The following PIK3C2G variants were observed in gnomAD, a reference collection of about 807,000 sequenced individuals.
The protein encoded by PIK3C2G is phosphatidylinositol 3-kinase C2 domain-containing subunit gamma.
In PIK3C2G, 168 loss-of-function variants were observed where a neutral mutation model predicts 181.1. The ratio of observed to expected loss-of-function variants is 0.93; its 90% CI spans 0.82 to 1.05. The LOEUF (loss-of-function observed/expected upper bound fraction) is 1.05. PIK3C2G is among the 50% of genes least tolerant of loss of function. PIK3C2G has a pLI of 0.00. For synonymous variants in PIK3C2G, 573 were observed against 592.2 expected, an observed-to-expected ratio of 0.97 and a Z score of 0.47; for missense variants, 1,869 against 1,732.8, an observed-to-expected ratio of 1.08 and a Z score of -1.40.
chr12:18,344,912 A>C (rs899405555), intron 10 of PIK3C2G, among the ~76,000 whole-genome samples: 6 of 152,170 alleles, frequency 3.9e-5, no homozygotes, highest in African/African-American at 1.4e-4. Flanking sequence ...ATAATGCATA[A>C]GCATACATCT....
At chr12:18,719,500 GA>G in the PIK3C2G span, 17 of 1,587,266 alleles carry the variant, frequency 1.1e-5, no homozygotes, top group Non-Finnish European at 1.5e-5. Flanking sequence ...ATGTGAAGAT[GA>G]AATAAAATAA....
At chr12:18,651,009 G>A (rs78433546), downstream of PIK3C2G, among the ~76,000 whole-genome samples, 2,876 of 151,856 alleles carry the variant, frequency 0.019, 37 homozygotes, top group Middle Eastern at 0.048. Flanking sequence ...AAACTCTGCA[G>A]GGGCTTCTAA....
At chr12:18,659,074 T>C in the PIK3C2G span, among the ~76,000 whole-genome samples, 1,385 of 152,054 alleles carry the variant, frequency 9.1e-3, 33 homozygotes, top group East Asian at 0.067. Flanking sequence ...CCAACATGGA[T>C]AGGAAACAGT....
chr12:18,477,590 T>C (rs1017283887), intron 18 of PIK3C2G, among the ~76,000 whole-genome samples: 1 of 152,174 alleles, frequency 6.6e-6, no homozygotes, highest in Non-Finnish European at 1.5e-5. Context: ...GTTTCCAAAA[T>C]GAATGGGATT....
intron 13 of PIK3C2G, among the ~76,000 whole-genome samples, chr12:18,376,699 T>G (rs1321774293): frequency 1.3e-5 from 2 of 152,108 alleles, no homozygotes; most frequent in Non-Finnish European, 2.9e-5. Context: ...TAGGACACGG[T>G]GGGAGATGTT....
the PIK3C2G span, among the ~76,000 whole-genome samples, chr12:18,684,786 C>T: frequency 6.6e-6 from 1 of 152,014 alleles, no homozygotes; most frequent in African/African-American, 2.4e-5. Context: ...ACCCAAATCT[C>T]ATCTTGAATT....
At chr12:18,384,098 A>G (rs904926419) in intron 14 of PIK3C2G, among the ~76,000 whole-genome samples, 2 of 151,766 alleles carry the variant, frequency 1.3e-5, no homozygotes, top group African/African-American at 4.8e-5. Context: ...CTGGGATTAC[A>G]GGCGTGAGCC....
intron 9 of PIK3C2G, among the ~76,000 whole-genome samples, chr12:18,338,962 G>C (rs985273367): frequency 1.3e-5 from 2 of 151,986 alleles, no homozygotes; most frequent in African/African-American, 4.8e-5. Flanking sequence ...CAGGCATTAA[G>C]TGTCATGTTT....
intron 31 of PIK3C2G, among the ~76,000 whole-genome samples, chr12:18,629,375 T>A (rs1391961760): frequency 3.9e-5 from 6 of 152,150 alleles, no homozygotes; most frequent in African/African-American, 1.4e-4. Context: ...TTTTAAGAAC[T>A]TCTTGTGCTC....
chr12:18,293,583 T>C (rs1949804509), intron 4 of PIK3C2G, among the ~76,000 whole-genome samples: 1 of 152,088 alleles, frequency 6.6e-6, no homozygotes, highest in African/African-American at 2.4e-5. Context: ...ATTTCCCAAG[T>C]CCCTAAGAGA....
the PIK3C2G span, among the ~76,000 whole-genome samples, chr12:18,677,337 C>T: frequency 6.6e-6 from 1 of 152,090 alleles, no homozygotes; most frequent in Non-Finnish European, 1.5e-5. Flanking sequence ...TGAATCAGCA[C>T]CGTGCAATCA....
At chr12:18,445,896 T>C (rs1257290348) in intron 18 of PIK3C2G, among the ~76,000 whole-genome samples, 1 of 152,136 alleles carries the variant, frequency 6.6e-6, no homozygotes, top group Non-Finnish European at 1.5e-5. Flanking sequence ...CATCTCTGAA[T>C]GGATACAAAA....
the PIK3C2G span, among the ~76,000 whole-genome samples, chr12:18,656,117 A>G: frequency 4.6e-5 from 7 of 152,178 alleles, no homozygotes; most frequent in African/African-American, 1.7e-4. Flanking sequence ...GGAAGTCTAA[A>G]GTTCCATTCT....
At chr12:18,651,911 C>T (rs949202367), downstream of PIK3C2G, among the ~76,000 whole-genome samples, 1 of 152,164 alleles carries the variant, frequency 6.6e-6, no homozygotes, top group African/African-American at 2.4e-5. Flanking sequence ...TAAGGACCAG[C>T]TCTTTCCATT....
chr12:18,701,579 T>C, the PIK3C2G span: 1 of 1,613,434 alleles, frequency 6.2e-7, no homozygotes, highest in Non-Finnish European at 8.5e-7. Context: ...CTAAAACAGA[T>C]TCCAATACTT....
chr12:18,497,653 T>G lies in PIK3C2G; in HGVS notation c.2921T>G (p.Leu974Arg). 1.2e-6 allele frequency: 2 copies of G among 1,613,028 alleles called. No homozygotes were observed. The highest frequency in any genetic ancestry group is 1.7e-6 in the Non-Finnish European group (2 of 1,179,126). Reference protein sequence around the residue: ...GDDLRQDMLVLQLIQVMDNIW... With the variant: ...GDDLRQDMLVRQLIQVMDNIW... ...GATCTTCGTCAGGATATGCTTGTTC[T>G]GCAGCTTATTCAAGTGATGGACAAT... Residue 974 changes from leucine (L) to arginine (R), a missense_variant, in exon 22 of 33, where the codon CTG becomes CGG. Leu to Arg is a moderately radical substitution (Grantham distance 102). Coordinates refer to ENST00000538779, the MANE Select transcript of PIK3C2G (RefSeq NM_001288772.2).
At chr12:18,259,355 G>A (rs866058735), upstream of PIK3C2G, among the ~76,000 whole-genome samples, 13 of 152,210 alleles carry the variant, frequency 8.5e-5, no homozygotes, top group Middle Eastern at 3.4e-3. Flanking sequence ...CGGGGTCTGG[G>A]TCACAACTCT....
At chr12:18,320,424 C>T (rs1311683582) in intron 6 of PIK3C2G, among the ~76,000 whole-genome samples, 1 of 152,114 alleles carries the variant, frequency 6.6e-6, no homozygotes, top group Non-Finnish European at 1.5e-5. Context: ...AACAAAATGC[C>T]AACTCCTAAC....
the PIK3C2G span, among the ~76,000 whole-genome samples, chr12:18,678,779 A>G: frequency 6.6e-6 from 1 of 152,012 alleles, no homozygotes; most frequent in East Asian, 1.9e-4. Context: ...GTTTGGGGTT[A>G]TTATAAAAAA....
Sources: gnomAD v4.1 joint callset for allele counts (sites outside exome capture counted in the v4.1 genomes callset) on GRCh38, gnomAD v4.1.1 for gene constraint, MANE v1.5 for transcripts, NCBI Gene and HGNC (gene_info 2026-07-23, HGNC 2026-07-21) for gene names.